Variants in LRRC51 observed in about 807,000 individuals in gnomAD.
The protein encoded by LRRC51 is leucine rich repeat containing 51.
In LRRC51, 8 loss-of-function variants were observed where a neutral mutation model predicts 17.8. The ratio of observed to expected loss-of-function variants is 0.45; its 90% CI spans 0.26 to 0.81. LRRC51 has a LOEUF of 0.81. Ranked by LOEUF, LRRC51 falls within the 30% of genes least tolerant of loss-of-function variation. The probability of loss-of-function intolerance (pLI) is 0.17; values close to 1 mark genes in which losing one functional copy is unlikely to be tolerated. For synonymous variants in LRRC51, 92 were observed against 96.0 expected (o/e 0.96, Z 0.24); for missense variants, 233 against 239.3 (o/e 0.97, Z 0.17).
intron 4 of LRRC51, chr11:72,094,714 G>A: frequency 1.2e-6 from 1 of 805,052 alleles, no homozygotes. Context: ...GGCAGTGCTG[G>A]TACCCAGGCC....
Position 72,095,676 on chromosome 11 carries a change from CTT to C in LRRC51, c.*169_*170del, listed in dbSNP as rs200241625. 6,700 of 1,257,144 alleles carry C rather than the reference CTT, an allele frequency of 5.3e-3. 34 individuals are homozygous for C. Among genetic ancestry groups the C allele is most frequent in the African/African-American group, 0.044 (2,883 of 64,998 alleles). The allele number at this position is 1,257,144 out of a possible 1,614,324, so 77.9% of individuals were successfully genotyped here. Reference sequence around the variant, plus strand: ...GCAAGTAGCTCTAGCCTTTTCTTTTCTTTTTTTTTTTTTTGAGACGGAGTCTC... The same window carrying C: ...GCAAGTAGCTCTAGCCTTTTCTTTTCTTTTTTTTTTTTGAGACGGAGTCTC... On this transcript the variant is annotated 3_prime_UTR_variant, in exon 6 of 6. Transcript: ENST00000289488.
intron 3 of LRRC51, chr11:72,089,710 T>C (rs1944749352): frequency 5.9e-6 from 4 of 682,366 alleles, no homozygotes; most frequent in Non-Finnish European, 7.9e-6. Context: ...TACTGACAAA[T>C]TTCTTACACT....
At chr11:72,090,493 G>A (rs1003058985) in intron 3 of LRRC51, among the ~76,000 whole-genome samples, 4 of 152,184 alleles carry the variant, frequency 2.6e-5, no homozygotes, top group African/African-American at 9.7e-5. Context: ...ATATGTGTGT[G>A]TGTGTGTGCG....
chr11:72,082,214 A>G (rs1475864033), intron 1 of LRRC51, among the ~76,000 whole-genome samples: 1 of 152,220 alleles, frequency 6.6e-6, no homozygotes, highest in Admixed American at 6.5e-5. Flanking sequence ...TGAGACTTGA[A>G]CATTTTTAAC....
In LRRC51 at chr11:72,091,375, C is replaced by T. The variant is rs146310805; in HGVS notation, c.83-2121C>T. ...GGTACGCCGTTCCAGTACCCTCCTG[C>T]AACCCCAGGCCCCAATTGTGGGTCC... On this transcript the variant is annotated intron_variant, in intron 3 of 5. Coordinates refer to ENST00000289488, the MANE Select transcript of LRRC51 (RefSeq NM_145309.6). 2.8e-3 allele frequency among the ~76,000 whole-genome samples: 423 copies of T among 152,250 alleles called. 4 individuals are homozygous for T. The highest frequency in any genetic ancestry group is 5.8e-3 in the Admixed American group (88 of 15,292).
chr11:72,095,685 T>G lies in LRRC51; in HGVS notation c.*165T>G, dbSNP rs1945160108. ...TCTAGCCTTTTCTTTTCTTTTTTTT[T>G]TTTTTGAGACGGAGTCTCACTCTGT... On this transcript the variant is annotated 3_prime_UTR_variant, in exon 6 of 6. Transcript: ENST00000289488. The G allele has an allele frequency of 2.0e-6, 3 of 1,475,978 alleles. No individual in the cohort carries two copies. Among genetic ancestry groups the G allele is most frequent in the Non-Finnish European group, 2.7e-6 (3 of 1,117,352 alleles). The allele number at this position is 1,475,978 out of a possible 1,614,324, so 91.4% of individuals were successfully genotyped here. A position where few individuals can be genotyped will look rare whatever the true frequency, so the allele number is the denominator to read the frequency against.
chr11:72,087,684 C>A (rs539695719), intron 1 of LRRC51, among the ~76,000 whole-genome samples: 1 of 152,288 alleles, frequency 6.6e-6, no homozygotes, highest in African/African-American at 2.4e-5. Flanking sequence ...AGTATGGTAG[C>A]CACTAGTCAC....
chr11:72,094,462 T>C (rs1469985982), intron 4 of LRRC51: 1 of 536,440 alleles, frequency 1.9e-6, no homozygotes. Context: ...GATTCAAGTT[T>C]TAAGAAATAA....
Position 72,095,891 on chromosome 11 carries a change from G to A in LRRC51, c.*371G>A, listed in dbSNP as rs1591169322. On this transcript the variant is annotated 3_prime_UTR_variant, in exon 6 of 6. Coordinates refer to ENST00000289488, the MANE Select transcript of LRRC51 (RefSeq NM_145309.6). Reference sequence around the variant, plus strand: ...GACGGTTTCACTCGTCACCCCAGCTGGAGTGCAGTGGTGCGATCTCAGCTC... The same window carrying A: ...GACGGTTTCACTCGTCACCCCAGCTAGAGTGCAGTGGTGCGATCTCAGCTC... 2.9e-6 allele frequency: 1 copy of A among 347,484 alleles called. No homozygotes were observed. The highest frequency in any genetic ancestry group is 7.5e-5 in the East Asian group (1 of 13,324). 21.5% of individuals were successfully genotyped at this position (347,484 alleles called of 1,614,324 possible).
intron 3 of LRRC51, among the ~76,000 whole-genome samples, chr11:72,090,817 T>G (rs998077018): frequency 6.6e-6 from 1 of 152,152 alleles, no homozygotes. Context: ...CACCTTCCAG[T>G]TGGTGGTTGA....
Position 72,093,564 on chromosome 11 carries a change from A to AC in LRRC51, c.154dup (p.Gln52ProfsTer7). The AC allele has an allele frequency of 6.2e-7, 1 of 1,614,186 alleles. No homozygotes were observed. Among genetic ancestry groups the AC allele is most frequent in the Non-Finnish European group, 8.5e-7 (1 of 1,180,030 alleles). On this transcript the variant is annotated frameshift_variant, in exon 4 of 6. Coordinates refer to ENST00000289488, the MANE Select transcript of LRRC51 (RefSeq NM_145309.6). LOFTEE classifies it high-confidence loss of function. ...GCGTTCAAAGTCGGGGAAATCACTG[A>AC]CCCAGTCCCTGTGGCTGAATAACAA...
intron 1 of LRRC51, among the ~76,000 whole-genome samples, chr11:72,084,853 AAG>A (rs1555047963): frequency 1.4e-5 from 2 of 144,366 alleles, no homozygotes; most frequent in African/African-American, 5.3e-5. Flanking sequence ...AAAAAAAAAA[AAG>A]AAAACCGTGT....
intron 5 of LRRC51, 21 bp downstream of exon 5, chr11:72,095,117 G>A: frequency 6.2e-7 from 1 of 1,612,172 alleles, no homozygotes. Context: ...TGCCCCTGGA[G>A]GTAGCGTCTA....
intron 1 of LRRC51, chr11:72,086,508 A>C (rs1944541566): frequency 1.4e-6 from 1 of 700,356 alleles, no homozygotes. Flanking sequence ...AATCCTCAGA[A>C]TTGGCAGTTT....
At chr11:72,086,209 A>T in intron 1 of LRRC51, 1 of 583,564 alleles carries the variant, frequency 1.7e-6, no homozygotes, top group Non-Finnish European at 3.0e-6. Context: ...CTGAGTGTTG[A>T]AACATGAGAG....
intron 3 of LRRC51, chr11:72,089,399 TTTG>T (rs1475443313): frequency 6.9e-7 from 1 of 1,454,116 alleles, no homozygotes; most frequent in Non-Finnish European, 9.1e-7. Context: ...TGTGCCCCTG[TTTG>T]TTTTTTTTAA....
chr11:72,087,774 C>T (rs75564847), intron 1 of LRRC51, among the ~76,000 whole-genome samples: 5 of 152,104 alleles, frequency 3.3e-5, no homozygotes, highest in African/African-American at 1.2e-4. Flanking sequence ...ATATTGATTA[C>T]ATATTGAATG....
In LRRC51 at chr11:72,095,801, T is replaced by C. The variant is rs1158783010; in HGVS notation, c.*281T>C. On this transcript the variant is annotated 3_prime_UTR_variant, in exon 6 of 6. Coordinates refer to ENST00000289488, the MANE Select transcript of LRRC51 (RefSeq NM_145309.6). ...GATTCTCCTGCCTCAGCCTCCCCAG[T>C]AGCTGTGATTAAAGGCGCCTGCCAC... The C allele has an allele frequency of 1.7e-6, 1 of 587,898 alleles. No homozygotes were observed. The highest frequency in any genetic ancestry group is 2.6e-6 in the Non-Finnish European group (1 of 378,258). The allele number at this position is 587,898 out of a possible 1,614,324, so 36.4% of individuals were successfully genotyped here. A position where few individuals can be genotyped will look rare whatever the true frequency, so the allele number is the denominator to read the frequency against.
At chr11:72,089,305 G>A (rs781326260) in intron 3 of LRRC51, 140 bp downstream of exon 3, 1 of 1,519,644 alleles carries the variant, frequency 6.6e-7, no homozygotes, top group Non-Finnish European at 8.9e-7. Context: ...TCTTTTGGAG[G>A]GTAGGGGAGA....
Sources: gnomAD v4.1 joint callset for allele counts (sites outside exome capture counted in the v4.1 genomes callset) on GRCh38, gnomAD v4.1.1 for gene constraint, MANE v1.5 for transcripts, NCBI Gene and HGNC (gene_info 2026-07-23, HGNC 2026-07-21) for gene names.